Variants in ZFYVE26 observed in about 807,000 individuals in gnomAD.
The protein encoded by ZFYVE26 is zinc finger FYVE domain-containing protein 26.
A neutral mutation model predicts 276.5 loss-of-function variants in ZFYVE26; 181 were observed. The observed-to-expected ratio is 0.65, with a 90% CI of 0.58 to 0.74. The LOEUF (loss-of-function observed/expected upper bound fraction) is 0.74. ZFYVE26 is among the 30% of genes least tolerant of loss of function. The probability of loss-of-function intolerance (pLI) is 0.00; values close to 1 mark genes in which losing one functional copy is unlikely to be tolerated. For synonymous variants in ZFYVE26, 1,129 were observed against 1,203.1 expected, an observed-to-expected ratio of 0.94 and a Z score of 1.27; for missense variants, 2,821 against 3,097.9, an observed-to-expected ratio of 0.91 and a Z score of 2.12.
intron 23 of ZFYVE26, 185 bp from the exon 24 acceptor site, chr14:67,778,433 A>G: frequency 1.5e-6 from 1 of 680,850 alleles, no homozygotes; most frequent in Non-Finnish European, 2.5e-6. Context: ...AAAAAAAAGC[A>G]GATGACATGT....
chr14:67,793,846 A>G lies in ZFYVE26; in HGVS notation c.2402-87T>C. ...TGCTGCCACCTCCCACCAAACTTTT[A>G]TCTCCTCAATGTCCTTCTGTAAAAG... On this transcript the variant is annotated intron_variant, in intron 13 of 41. Coordinates refer to ENST00000347230, the MANE Select transcript of ZFYVE26 (RefSeq NM_015346.4). 5.1e-6 allele frequency: 8 copies of G among 1,559,128 alleles called. 1 individual carries two copies. In the South Asian group the frequency reaches 9.0e-5, roughly 17 times the overall value.
At chr14:67,774,930 G>T in intron 27 of ZFYVE26, 86 bp downstream of exon 27, 1 of 704,808 alleles carries the variant, frequency 1.4e-6, no homozygotes, top group Non-Finnish European at 2.2e-6. Flanking sequence ...AAAAAAAGAA[G>T]CAAAAAAAAA....
rs776215773 is a variant in ZFYVE26, at chr14:67,776,144, T to C, written c.4975-38A>G. 1.6e-5 allele frequency: 25 copies of C among 1,612,884 alleles called. No individual in the cohort carries two copies. The South Asian group carries it at 2.8e-4, about 18-fold the overall frequency. ...TAGATCCATAGAGTAAAGAAAATAG[T>C]ACACAAATTTCAGAAAAAACTCAAG... On this transcript the variant is annotated intron_variant, in intron 25 of 41. Coordinates refer to ENST00000347230, the MANE Select transcript of ZFYVE26 (RefSeq NM_015346.4).
At chr14:67,752,767 T>G (rs894951540) in intron 39 of ZFYVE26, among the ~76,000 whole-genome samples, 1 of 152,206 alleles carries the variant, frequency 6.6e-6, no homozygotes, top group African/African-American at 2.4e-5. Flanking sequence ...ACATTTCACT[T>G]GCTGCGGTGG....
Position 67,815,998 on chromosome 14 carries a change from A to G in ZFYVE26, c.-35T>C, listed in dbSNP as rs760575868. The G allele has an allele frequency of 3.9e-6, 6 of 1,553,692 alleles. No individual in the cohort carries two copies. The African/African-American group carries it at 5.4e-5, about 14-fold the overall frequency. ...ACAGAGTGCAGGGAGATACAAAGAA[A>G]TGAGTTATGCCGAACACATTCTCAA... On this transcript the variant is annotated 5_prime_UTR_variant, in exon 2 of 42. Transcript: ENST00000347230.
At chr14:67,760,619 T>G (rs2038904584) in intron 35 of ZFYVE26, among the ~76,000 whole-genome samples, 1 of 152,160 alleles carries the variant, frequency 6.6e-6, no homozygotes, top group Non-Finnish European at 1.5e-5. Flanking sequence ...TCCCAGCTAC[T>G]CAGTAGGATG....
At chr14:67,785,438 C>T (rs1366950469) in intron 18 of ZFYVE26, among the ~76,000 whole-genome samples, 161 bp from the exon 19 acceptor site, 1 of 152,188 alleles carries the variant, frequency 6.6e-6, no homozygotes, top group African/African-American at 2.4e-5. Flanking sequence ...AATCCTAAGT[C>T]AGTCACTTGG....
rs766781314 is a variant in ZFYVE26 at position 67,807,830 on chromosome 14, C to T, written c.454G>A (p.Glu152Lys). 20 of 1,613,888 alleles carry T rather than the reference C, an allele frequency of 1.2e-5. No individual in the cohort carries two copies. In the Admixed American group the frequency reaches 1.3e-4, roughly 11 times the overall value. Residue 152 changes from glutamate (E) to lysine (K), a missense_variant, in exon 5 of 42, where the codon GAA becomes AAA. Physicochemically the swap from Glu to Lys is moderately conservative, Grantham distance 56. Transcript: ENST00000347230. ...AGATCCCAGAGCACAGAGACAGCTT[C>T]GGAGCTGAGACGAGGAGTCCAGCTC... is the stretch of plus-strand genomic sequence containing the variant. ...RESWTPRLSS[E>K]AVSVLWDLLR... is the part of the protein sequence containing the mutation.
Position 67,781,486 on chromosome 14 carries a change from A to G in ZFYVE26, c.4416T>C (p.Ser1472=). ...WQYLFPVKDA[S]LRSRLALQFV... ...ACTGTAGGGCCAGCCGACTTCTCAGAGATGCATCCTTCACGGGAAACAGGT... is the reference window on the plus strand; with the variant it reads ...ACTGTAGGGCCAGCCGACTTCTCAGGGATGCATCCTTCACGGGAAACAGGT... Residue 1472 remains serine (S), a synonymous_variant, in exon 22 of 42, where the codon TCT becomes TCC. Transcript: ENST00000347230. 6.2e-7 allele frequency: 1 copy of G among 1,614,196 alleles called. No homozygotes were observed. The highest frequency in any genetic ancestry group is 1.1e-5 in the South Asian group (1 of 91,086).
rs764363798 is a variant in ZFYVE26, at chr14:67,762,233, T to C, written c.6339A>G (p.Leu2113=). The change falls in exon 34 of 42, where the codon CTA becomes CTG. Residue 2113 remains leucine (L), a synonymous_variant. Coordinates refer to ENST00000347230, the MANE Select transcript of ZFYVE26 (RefSeq NM_015346.4). ...SRLVQDVVEY[L]ESTVRPFVSL... is the part of the protein sequence containing the mutation. ...ATACAAAGGGCCTCACTGTGGACTC[T>C]AGGTACTCAACCACATCCTGCACCA... 1.7e-5 allele frequency: 27 copies of C among 1,614,158 alleles called. No individual in the cohort carries two copies. The Admixed American group carries it at 3.7e-4, about 22-fold the overall frequency.
Position 67,807,811 on chromosome 14 carries a change from C to T in ZFYVE26, c.473G>A (p.Trp158Ter). ...CTGGGGAGACTGCCTCAGGAGATCC[C>T]AGAGCACAGAGACAGCTTCGGAGCT... ...RLSSEAVSVL[W>*]DLLRQSPQPA... is the part of the protein sequence containing the mutation. The change falls in exon 5 of 42, where the codon TGG (tryptophan) becomes TAG (stop). Residue 158 changes from tryptophan (W) to a stop codon, truncating the protein, a stop_gained. Transcript: ENST00000347230. LOFTEE classifies it high-confidence loss of function. 1 of 1,614,124 alleles carries T rather than the reference C, an allele frequency of 6.2e-7. No homozygotes were observed. The highest frequency in any genetic ancestry group is 8.5e-7 in the Non-Finnish European group (1 of 1,180,002).
At chr14:67,733,224 A>G (rs571667063) in intron 13 of ZFYVE26, among the ~76,000 whole-genome samples, 7 of 152,170 alleles carry the variant, frequency 4.6e-5, no homozygotes, top group Non-Finnish European at 8.8e-5. Context: ...TTCCAAAGCA[A>G]ATCTGGAGGG....
At chr14:67,806,411 G>C (rs1458896175) in intron 6 of ZFYVE26, 134 bp downstream of exon 6, 1 of 1,101,258 alleles carries the variant, frequency 9.1e-7, no homozygotes, top group Non-Finnish European at 1.4e-6. Context: ...GACTGTGGGA[G>C]GGACAAAACC....
chr14:67,775,808 C>A, intron 26 of ZFYVE26, 52 bp downstream of exon 26: 10 of 1,613,176 alleles, frequency 6.2e-6, no homozygotes, highest in Non-Finnish European at 8.5e-6. Flanking sequence ...AAGAATGCAG[C>A]ATGGCATTTC....
At position 67,777,549 on chromosome 14, in the gene ZFYVE26, G is replaced by A. The variant is rs2039377291; in HGVS notation, c.4974+10C>T. 6.2e-7 allele frequency: 1 copy of A among 1,613,362 alleles called. No individual in the cohort carries two copies. On this transcript the variant is annotated intron_variant, in intron 25 of 41. Transcript: ENST00000347230. ...ACATACAGCGCCTGGATTTCACGGT[G>A]TATCCTTACCTTGGATCCCACATAC...
intron 13 of ZFYVE26, among the ~76,000 whole-genome samples, chr14:67,730,665 T>A (rs7144587): frequency 0.96 from 146,069 of 152,282 alleles, 70,288 homozygotes; most frequent in East Asian, 1. Context: ...GGGCAATGGC[T>A]TGATCTTGGC....
Position 67,789,317 on chromosome 14 carries a change from C to T in ZFYVE26, c.3019+18G>A. 6.2e-7 allele frequency: 1 copy of T among 1,613,908 alleles called. No individual in the cohort carries two copies. Among genetic ancestry groups the T allele is most frequent in the Non-Finnish European group, 8.5e-7 (1 of 1,180,024 alleles). On this transcript the variant is annotated intron_variant, in intron 16 of 41. Coordinates refer to ENST00000347230, the MANE Select transcript of ZFYVE26 (RefSeq NM_015346.4). Reference sequence around the variant, plus strand: ...CTCATTTGAGAATGAAGGGATACAGCTAACACAGCACACTCACCCCGCCTT... The same window carrying T: ...CTCATTTGAGAATGAAGGGATACAGTTAACACAGCACACTCACCCCGCCTT...
Position 67,746,795 on chromosome 14 carries a change from A to G in ZFYVE26, c.*1641T>C, listed in dbSNP as rs1295878258. On this transcript the variant is annotated 3_prime_UTR_variant, in exon 42 of 42. Coordinates refer to ENST00000347230, the MANE Select transcript of ZFYVE26 (RefSeq NM_015346.4). ...TAAAGTGCTTATGTTCAGTGCAAAA[A>G]AGGCAGACTCAGAAGGGCAAGCAGA... 6.6e-6 allele frequency: 1 copy of G among 152,576 alleles called. No individual in the cohort carries two copies. Among genetic ancestry groups the G allele is most frequent in the Non-Finnish European group, 1.5e-5 (1 of 68,038 alleles). 9.5% of individuals were successfully genotyped at this position (152,576 alleles called of 1,614,324 possible).
chr14:67,781,460 A>C lies in ZFYVE26; in HGVS notation c.4442T>G (p.Phe1481Cys), dbSNP rs780024104. 1 of 1,614,202 alleles carries C rather than the reference A, an allele frequency of 6.2e-7. No individual in the cohort carries two copies. The highest frequency in any genetic ancestry group is 1.1e-5 in the South Asian group (1 of 91,084). The stretch of plus-strand genomic sequence containing the variant: ...TGACTCCAGGGGCCACCTGTCCACA[A>C]ACTGTAGGGCCAGCCGACTTCTCAG... ...ASLRSRLALQ[F>C]VDRWPLESCL... The change falls in exon 22 of 42, where the codon TTT becomes TGT. Residue 1481 changes from phenylalanine (F) to cysteine (C), a missense_variant. Physicochemically the swap from Phe to Cys is radical, Grantham distance 205 (BLOSUM62 -2). Transcript: ENST00000347230.
Sources: gnomAD v4.1 joint callset for allele counts (sites outside exome capture counted in the v4.1 genomes callset) on GRCh38, gnomAD v4.1.1 for gene constraint, MANE v1.5 for transcripts, NCBI Gene and HGNC (gene_info 2026-07-23, HGNC 2026-07-21) for gene names.